The following PHLPP1 variants were observed in gnomAD, a reference collection of about 807,000 sequenced individuals.
PHLPP1 encodes PH domain leucine-rich repeat-containing protein phosphatase 1.
In PHLPP1, 42 loss-of-function variants were observed where a neutral mutation model predicts 117.2. The ratio of observed to expected loss-of-function variants is 0.36; its 90% CI spans 0.28 to 0.46. The LOEUF is 0.46. PHLPP1 is among the 20% of genes least tolerant of loss of function. PHLPP1 has a pLI of 1.00. For synonymous variants in PHLPP1, 1,042 were observed against 970.7 expected, an observed-to-expected ratio of 1.07 and a Z score of -1.37; for missense variants, 2,084 against 2,241.9, an observed-to-expected ratio of 0.93 and a Z score of 1.42.
At chr18:62,922,200 G>T (rs1335488059) in intron 10 of PHLPP1, among the ~76,000 whole-genome samples, 2 of 152,248 alleles carry the variant, frequency 1.3e-5, no homozygotes, top group South Asian at 2.1e-4. Context: ...GCAGTGGTGT[G>T]ATCTCAGCTC....
chr18:62,767,298 A>G (rs1424563489), intron 1 of PHLPP1, among the ~76,000 whole-genome samples: 2 of 152,202 alleles, frequency 1.3e-5, no homozygotes, highest in South Asian at 2.1e-4. Flanking sequence ...AAGTGCCACA[A>G]TGTTATTTGG....
At position 62,980,117 on chromosome 18, in the gene PHLPP1, A is replaced by AGCCT. The variant is rs1327759094; in HGVS notation, c.*695_*698dup. 6.6e-6 allele frequency: 1 copy of AGCCT among 152,382 alleles called. No homozygotes were observed. The highest frequency in any genetic ancestry group is 1.5e-5 in the Non-Finnish European group (1 of 68,090). 9.4% of individuals were successfully genotyped at this position (152,382 alleles called of 1,614,324 possible). ...TTTCCCCTCCCCCTCCCCTCTGAGG[A>AGCCT]GCCTGCCTGCCTCACAACTCACCCT... is the stretch of plus-strand genomic sequence containing the variant. On this transcript the variant is annotated 3_prime_UTR_variant, in exon 17 of 17. Coordinates refer to ENST00000262719, the MANE Select transcript of PHLPP1 (RefSeq NM_194449.4).
intron 1 of PHLPP1, among the ~76,000 whole-genome samples, chr18:62,763,438 A>T (rs1912326453): frequency 6.6e-6 from 1 of 151,850 alleles, no homozygotes; most frequent in Non-Finnish European, 1.5e-5. Flanking sequence ...TCAGCCCTGG[A>T]CTCTACCTTT....
At chr18:62,922,282 G>A (rs151329124) in intron 10 of PHLPP1, among the ~76,000 whole-genome samples, 3 of 152,216 alleles carry the variant, frequency 2.0e-5, no homozygotes, top group African/African-American at 7.2e-5. Context: ...GATTACAGGC[G>A]CATGCCACCA....
At position 62,890,995 on chromosome 18, in the gene PHLPP1, A is replaced by G. The variant is rs141638591; in HGVS notation, c.2067-4016A>G. Among the ~76,000 whole-genome samples, 349 of 152,318 alleles carry G rather than the reference A, an allele frequency of 2.3e-3. 3 individuals are homozygous for G. Among genetic ancestry groups the G allele is most frequent in the African/African-American group, 8.0e-3 (333 of 41,582 alleles). On this transcript the variant is annotated intron_variant, in intron 4 of 16. Transcript: ENST00000262719. Reference sequence around the variant, plus strand: ...CTGTGATGCCTAGGATAAACATTTTATATCAGATAGAGTTGCCAGATTTAG... The same window carrying G: ...CTGTGATGCCTAGGATAAACATTTTGTATCAGATAGAGTTGCCAGATTTAG...
intron 10 of PHLPP1, among the ~76,000 whole-genome samples, chr18:62,921,162 T>A (rs1009858522): frequency 2.6e-5 from 4 of 152,232 alleles, no homozygotes; most frequent in Admixed American, 6.5e-5. Flanking sequence ...TTCTCAAGTG[T>A]TTCATAACCT....
chr18:62,745,587 G>C (rs1056355741), intron 1 of PHLPP1, among the ~76,000 whole-genome samples: 1 of 152,118 alleles, frequency 6.6e-6, no homozygotes, highest in African/African-American at 2.4e-5. Context: ...TGAGTGACGG[G>C]GATGTGCTAT....
chr18:62,808,565 T>TTTTTTTTTTA (rs747889895), intron 1 of PHLPP1, among the ~76,000 whole-genome samples: 1 of 150,802 alleles, frequency 6.6e-6, no homozygotes, highest in South Asian at 2.1e-4. Flanking sequence ...TTGTTTTTTT[T>TTTTTTTTTTA]TTTTGAGACG....
chr18:62,902,705 A>G lies in PHLPP1; in HGVS notation c.2445-259A>G, dbSNP rs191207479. Among the ~76,000 whole-genome samples, 467 of 152,292 alleles carry G rather than the reference A, an allele frequency of 3.1e-3. 2 individuals carry two copies. The highest frequency in any genetic ancestry group is 6.8e-3 in the Middle Eastern group (2 of 294). ...CTTGAAGTGAATTAAGGTAAAGTCA[A>G]TGTGCTTATTCCTCTCCCAGCTGTA... On this transcript the variant is annotated intron_variant, in intron 6 of 16. Transcript: ENST00000262719.
At chr18:62,778,011 C>G (rs1417605063) in intron 1 of PHLPP1, among the ~76,000 whole-genome samples, 1 of 152,240 alleles carries the variant, frequency 6.6e-6, no homozygotes, top group African/African-American at 2.4e-5. Flanking sequence ...GGTGATGTCA[C>G]TTGTTGGAAT....
At chr18:62,818,995 A>G (rs1057297391) in intron 1 of PHLPP1, among the ~76,000 whole-genome samples, 1 of 152,266 alleles carries the variant, frequency 6.6e-6, no homozygotes, top group East Asian at 1.9e-4. Context: ...ACATTAATGT[A>G]CAATAGATGT....
chr18:62,731,586 T>C (rs1035048912), intron 1 of PHLPP1, among the ~76,000 whole-genome samples: 1 of 152,132 alleles, frequency 6.6e-6, no homozygotes, highest in Non-Finnish European at 1.5e-5. Flanking sequence ...AAGTGTTCAA[T>C]TGAAAGGAAG....
In PHLPP1 at chr18:62,903,734, C is replaced by T. The variant is rs201441583; in HGVS notation, c.2647+568C>T. ...GCGGTCGTCTGAGATCACACTACTG[C>T]ACTCCAGCCTGGTTGACAGAGCGAG... On this transcript the variant is annotated intron_variant, in intron 7 of 16. Coordinates refer to ENST00000262719, the MANE Select transcript of PHLPP1 (RefSeq NM_194449.4). Among the ~76,000 whole-genome samples, 37 of 149,912 alleles carry T rather than the reference C, an allele frequency of 2.5e-4. 1 individual carries two copies. The East Asian group carries it at 6.8e-3, about 28-fold the overall frequency.
chr18:62,816,115 G>A (rs565940554), intron 1 of PHLPP1, among the ~76,000 whole-genome samples: 2 of 152,216 alleles, frequency 1.3e-5, no homozygotes, highest in African/African-American at 4.8e-5. Context: ...ATTACATTGG[G>A]TATTCTTTAC....
In PHLPP1 at chr18:62,717,071, CTCCG is replaced by C; in HGVS notation, c.1389_1392del (p.Pro464ArgfsTer90). The C allele has an allele frequency of 6.5e-7, 1 of 1,540,514 alleles. No individual in the cohort carries two copies. The highest frequency in any genetic ancestry group is 8.8e-7 in the Non-Finnish European group (1 of 1,140,474). ...AGCGGGGTGACCGCGGAGAAGGCGC[CTCCG>C]CCGCCCCCGCCGCCCACCCTGTACG... is the stretch of plus-strand genomic sequence containing the variant. On this transcript the variant is annotated frameshift_variant, in exon 1 of 17. Transcript: ENST00000262719. LOFTEE classifies it high-confidence loss of function.
chr18:62,857,558 A>G (rs1402590861), intron 3 of PHLPP1, among the ~76,000 whole-genome samples: 2 of 152,178 alleles, frequency 1.3e-5, no homozygotes, highest in Non-Finnish European at 2.9e-5. Context: ...CCACGAATCC[A>G]GAGCATCTGG....
chr18:62,814,443 C>T (rs903937316), intron 1 of PHLPP1, among the ~76,000 whole-genome samples: 2 of 152,182 alleles, frequency 1.3e-5, no homozygotes, highest in African/African-American at 4.8e-5. Flanking sequence ...AATCCTTCTC[C>T]TAGCTCTTGA....
chr18:62,765,509 A>G (rs1266051660), intron 1 of PHLPP1, among the ~76,000 whole-genome samples: 1 of 152,210 alleles, frequency 6.6e-6, no homozygotes, highest in Non-Finnish European at 1.5e-5. Context: ...TCTATAAGCC[A>G]TTTGCTCATA....
intron 1 of PHLPP1, among the ~76,000 whole-genome samples, chr18:62,747,316 G>A (rs139054906): frequency 3.3e-5 from 4 of 122,624 alleles, no homozygotes; most frequent in Admixed American, 3.2e-4. Flanking sequence ...ACAGAGTCTC[G>A]CTCTTTTGCC....
Sources: gnomAD v4.1 joint callset for allele counts (sites outside exome capture counted in the v4.1 genomes callset) on GRCh38, gnomAD v4.1.1 for gene constraint, MANE v1.5 for transcripts, NCBI Gene and HGNC (gene_info 2026-07-23, HGNC 2026-07-21) for gene names.